Variants in AKAP13 observed in about 807,000 individuals in gnomAD.
AKAP13 encodes A-kinase anchoring protein 13.
Under a neutral mutation model 264.5 loss-of-function variants are expected in AKAP13, and 80 were observed. That is an observed-to-expected ratio of 0.30 (90% CI 0.25 to 0.36). The LOEUF (loss-of-function observed/expected upper bound fraction) is 0.36. AKAP13 is among the 10% of genes least tolerant of loss of function. The pLI, the probability that AKAP13 is intolerant of heterozygous loss-of-function variation, is 1.00. For synonymous variants in AKAP13, 1,380 were observed against 1,250.2 expected (o/e 1.10, Z -2.19); for missense variants, 3,712 against 3,435.2 (o/e 1.08, Z -2.01).
In AKAP13 at chr15:85,579,201, G is replaced by A. The variant is rs1177860871; in HGVS notation, c.1133G>A (p.Arg378Lys). 1.2e-6 allele frequency: 2 copies of A among 1,614,212 alleles called. No homozygotes were observed. The highest frequency in any genetic ancestry group is 1.1e-5 in the South Asian group (1 of 91,084). The part of the protein sequence containing the change: ...SCRKKNKGVE[R>K]KGEEVEPAPI... The stretch of plus-strand genomic sequence containing the variant: ...AGGAAGAAAAATAAAGGCGTGGAAA[G>A]AAAAGGGGAAGAGGTGGAGCCAGCA... The change falls in exon 7 of 37, where the codon AGA (arginine) becomes AAA (lysine). Residue 378 changes from arginine to lysine, a missense_variant. Transcript: ENST00000394518.
intron 1 of AKAP13, among the ~76,000 whole-genome samples, chr15:85,431,777 A>G (rs1445960019): frequency 6.6e-6 from 1 of 152,230 alleles, no homozygotes; most frequent in Non-Finnish European, 1.5e-5. Flanking sequence ...TCTTGCTTGT[A>G]GGCAATATGA....
chr15:85,688,210 G>A (rs551888358), intron 16 of AKAP13, among the ~76,000 whole-genome samples: 9 of 152,114 alleles, frequency 5.9e-5, no homozygotes, highest in African/African-American at 2.2e-4. Flanking sequence ...TCTTAACATA[G>A]TGATGCTAAC....
rs2089418068 is a variant in AKAP13 at position 85,747,948 on chromosome 15, G to A, written c.*3271G>A. Reference sequence around the variant, plus strand: ...GTGAGCACAAAGTTTTGAGACCTTTGGCGTTGTTTCTTGATGTGGGAGGGG... The same window carrying A: ...GTGAGCACAAAGTTTTGAGACCTTTAGCGTTGTTTCTTGATGTGGGAGGGG... On this transcript the variant is annotated 3_prime_UTR_variant, in exon 37 of 37. Coordinates refer to ENST00000394518, the MANE Select transcript of AKAP13 (RefSeq NM_007200.5). 1 of 152,892 alleles carries A rather than the reference G, an allele frequency of 6.5e-6. No homozygotes were observed. The highest frequency in any genetic ancestry group is 2.4e-5 in the African/African-American group (1 of 41,392). The allele number at this position is 152,892 out of a possible 1,614,324, so 9.5% of individuals were successfully genotyped here.
At chr15:85,629,878 C>T (rs973291564) in intron 8 of AKAP13, among the ~76,000 whole-genome samples, 1 of 146,838 alleles carries the variant, frequency 6.8e-6, no homozygotes, top group Non-Finnish European at 1.5e-5. Context: ...CTCCCGGGCT[C>T]AAGCCAGCCT....
chr15:85,513,139 A>C (rs148867653), intron 2 of AKAP13, among the ~76,000 whole-genome samples: 1 of 152,254 alleles, frequency 6.6e-6, no homozygotes, highest in African/African-American at 2.4e-5. Flanking sequence ...TAGTTTAGTG[A>C]TAAAAACGTC....
chr15:85,641,445 CAAAT>C (rs199664618), intron 9 of AKAP13, among the ~76,000 whole-genome samples: 4,229 of 97,264 alleles, frequency 0.043, 132 homozygotes, highest in African/African-American at 0.077. Context: ...GACTCCATCT[CAAAT>C]AAATAAATAA....
chr15:85,543,718 G>C (rs2077643535), intron 4 of AKAP13, 54 bp from the exon 5 acceptor site: 1 of 1,532,780 alleles, frequency 6.5e-7, no homozygotes. Flanking sequence ...ATGTTTGTTT[G>C]TTTTTTGTTT....
At chr15:85,423,958 T>G (rs900770774) in intron 1 of AKAP13, among the ~76,000 whole-genome samples, 1 of 152,224 alleles carries the variant, frequency 6.6e-6, no homozygotes, top group Non-Finnish European at 1.5e-5. Context: ...AGTCTTTTTT[T>G]TCTGGGCAGT....
rs115468498 is a variant in AKAP13, at chr15:85,581,593, G to T, written c.3525G>T (p.Glu1175Asp). The change falls in exon 7 of 37, where the codon GAG (glutamate) becomes GAT (aspartate). Residue 1175 changes from glutamate (E) to aspartate (D), a missense_variant. Coordinates refer to ENST00000394518, the MANE Select transcript of AKAP13 (RefSeq NM_007200.5). ...ADHSCTMGDAEEAQIDDEAHP... is the reference protein window; with the variant it reads ...ADHSCTMGDADEAQIDDEAHP... ...ACAGCTGTACCATGGGTGACGCTGA[G>T]GAAGCCCAAATAGACGATGAAGCAC... 7 of 1,614,202 alleles carry T rather than the reference G, an allele frequency of 4.3e-6. No individual in the cohort carries two copies. In the Admixed American group the frequency reaches 1.2e-4, roughly 27 times the overall value.
intron 5 of AKAP13, among the ~76,000 whole-genome samples, chr15:85,570,785 T>C (rs1013095403): frequency 4.9e-4 from 74 of 152,274 alleles, no homozygotes; most frequent in African/African-American, 1.7e-3. Flanking sequence ...TAAGGATTCC[T>C]ACCGCTGGAG....
At chr15:85,543,175 A>G (rs989591350) in intron 4 of AKAP13, among the ~76,000 whole-genome samples, 1 of 152,216 alleles carries the variant, frequency 6.6e-6, no homozygotes, top group African/African-American at 2.4e-5. Context: ...TCTTCCTCTC[A>G]TTAAACAAAT....
In AKAP13 at chr15:85,727,208, A is replaced by G. The variant is rs1164500814; in HGVS notation, c.6965A>G (p.Asn2322Ser). 1.2e-6 allele frequency: 2 copies of G among 1,614,100 alleles called. No homozygotes were observed. The highest frequency in any genetic ancestry group is 3.3e-5 in the Admixed American group (2 of 60,014). Residue 2322 changes from asparagine (N) to serine (S), a missense_variant, in exon 28 of 37, where the codon AAC becomes AGC. Asn to Ser is a conservative substitution (Grantham distance 46, BLOSUM62 1). Transcript: ENST00000394518. This position sits in a 1 kb window ranked among gnomAD's most constrained non-coding sequence, Gnocchi z 5.3. ...EVHASSKEER[N>S]SWIQIIQDTI... Reference sequence around the variant, plus strand: ...CATGCCAGCTCCAAAGAGGAACGAAACAGCTGGATTCAGATCATTCAGGAC... The same window carrying G: ...CATGCCAGCTCCAAAGAGGAACGAAGCAGCTGGATTCAGATCATTCAGGAC...
chr15:85,453,549 T>TA (rs1424544883), intron 1 of AKAP13, among the ~76,000 whole-genome samples: 5 of 152,306 alleles, frequency 3.3e-5, no homozygotes, highest in Non-Finnish European at 7.4e-5. Flanking sequence ...AAGGCACCTA[T>TA]AGGAAGTGGC....
In AKAP13 at chr15:85,473,036, A is replaced by G. The variant is rs552293963; in HGVS notation, c.-11-12674A>G. On this transcript the variant is annotated intron_variant, in intron 1 of 36. Transcript: ENST00000394518. The stretch of plus-strand genomic sequence containing the variant: ...CACTTCAAAAATTCAAAAAATACAC[A>G]TAGGTGTTTCATAAAATCACTGTTG... Among the ~76,000 whole-genome samples the G allele has an allele frequency of 7.9e-5, 12 of 152,344 alleles. No homozygotes were observed. The South Asian group carries it at 2.5e-3, about 32-fold the overall frequency.
intron 10 of AKAP13, 65 bp from the exon 11 acceptor site, chr15:85,655,352 G>C: frequency 2.6e-6 from 4 of 1,554,246 alleles, no homozygotes; most frequent in Non-Finnish European, 2.6e-6. Flanking sequence ...GCTTGATCTA[G>C]AATAACTGAG....
chr15:85,685,851 A>G (rs924431426), intron 16 of AKAP13, among the ~76,000 whole-genome samples: 1 of 152,206 alleles, frequency 6.6e-6, no homozygotes, highest in African/African-American at 2.4e-5. Context: ...ATCTAAAAGT[A>G]AAAGAATGAA....
chr15:85,622,119 C>T lies in AKAP13; in HGVS notation c.4162-17255C>T, dbSNP rs555281306. Among the ~76,000 whole-genome samples, 12 of 152,142 alleles carry T rather than the reference C, an allele frequency of 7.9e-5. No individual in the cohort carries two copies. The South Asian group carries it at 2.3e-3, about 29-fold the overall frequency. Reference sequence around the variant, plus strand: ...ACCTAAGTACCTATCCCATGCGAGCCACGGGTTACAGTCTTTATCCCATTA... The same window carrying T: ...ACCTAAGTACCTATCCCATGCGAGCTACGGGTTACAGTCTTTATCCCATTA... On this transcript the variant is annotated intron_variant, in intron 8 of 36. Coordinates refer to ENST00000394518, the MANE Select transcript of AKAP13 (RefSeq NM_007200.5).
At chr15:85,550,688 A>G (rs2077930001) in intron 5 of AKAP13, among the ~76,000 whole-genome samples, 1 of 152,238 alleles carries the variant, frequency 6.6e-6, no homozygotes, top group African/African-American at 2.4e-5. Flanking sequence ...AAAGCAAAAG[A>G]TGAAACAAAT....
In AKAP13 at chr15:85,580,201, C is replaced by T; in HGVS notation, c.2133C>T (p.Asp711=). The T allele has an allele frequency of 6.2e-7, 1 of 1,614,236 alleles. No homozygotes were observed. The highest frequency in any genetic ancestry group is 2.2e-5 in the East Asian group (1 of 44,890). ...CACCCGATGCCTCCCACTGTGAAGA[C>T]CCACAGGCTCATACAGTCACCTCTG... ...QDPPDASHCE[D]PQAHTVTSDP... is the part of the protein sequence containing the mutation. The change falls in exon 7 of 37, where the codon GAC becomes GAT. Residue 711 remains aspartate (D), a synonymous_variant. Coordinates refer to ENST00000394518, the MANE Select transcript of AKAP13 (RefSeq NM_007200.5).
Sources: gnomAD v4.1 joint callset for allele counts (sites outside exome capture counted in the v4.1 genomes callset) on GRCh38, gnomAD v4.1.1 for gene constraint, Gnocchi (gnomAD v3.1) non-coding constraint, MANE v1.5 for transcripts, NCBI Gene and HGNC (gene_info 2026-07-23, HGNC 2026-07-21) for gene names.